HIF3A: variants seen among roughly 807,000 people sequenced by gnomAD.
HIF3A encodes hypoxia-inducible factor 3-alpha.
Under a neutral mutation model 67.2 loss-of-function variants are expected in HIF3A, and 41 were observed. The ratio of observed to expected loss-of-function variants is 0.61; its 90% CI spans 0.48 to 0.79. HIF3A has a LOEUF of 0.79. Among genes scored for constraint, HIF3A ranks in the 30% least tolerant of loss-of-function variants. HIF3A has a pLI of 0.00. For missense variants in HIF3A, 855 were observed against 898.0 expected, an observed-to-expected ratio of 0.95 and a Z score of 0.61; for synonymous variants, 356 against 374.8, an observed-to-expected ratio of 0.95 and a Z score of 0.58.
intron 13 of HIF3A, among the ~76,000 whole-genome samples, chr19:46,334,079 C>CA (rs1971441830): frequency 6.6e-6 from 1 of 151,148 alleles, no homozygotes; most frequent in Admixed American, 6.6e-5. Context: ...AGGCGTGAGC[C>CA]ACCGCGCCCG....
intron 13 of HIF3A, among the ~76,000 whole-genome samples, chr19:46,333,437 G>A (rs1038746362): frequency 2.0e-5 from 3 of 152,156 alleles, no homozygotes; most frequent in African/African-American, 7.2e-5. Context: ...GCTAATGAGG[G>A]CTGAAACCTT....
intron 1 of HIF3A, among the ~76,000 whole-genome samples, chr19:46,299,442 G>A (rs1030248417): frequency 4.6e-5 from 7 of 152,212 alleles, no homozygotes; most frequent in East Asian, 3.9e-4. Flanking sequence ...CGGGCAGGCC[G>A]GGTGCGGTGG....
rs184404828 is a variant in HIF3A, at chr19:46,300,497, C to A, written c.26+3395C>A. The stretch of plus-strand genomic sequence containing the variant: ...CCAACATAGTGAAACCCTGTCTCTA[C>A]TAAAAATACAAAAATTACCCAGGCA... On this transcript the variant is annotated intron_variant, in intron 1 of 14. Coordinates refer to ENST00000377670, the MANE Select transcript of HIF3A (RefSeq NM_152795.4). Among the ~76,000 whole-genome samples, 22 of 152,256 alleles carry A rather than the reference C, an allele frequency of 1.4e-4. No individual in the cohort carries two copies. In the East Asian group the frequency reaches 2.5e-3, roughly 17 times the overall value.
Position 46,334,947 on chromosome 19 carries a change from G to A in HIF3A, c.1873G>A (p.Asp625Asn), listed in dbSNP as rs1971500090. The change falls in exon 14 of 15, where the codon GAC becomes AAC. Residue 625 changes from aspartate to asparagine, a missense_variant. Transcript: ENST00000377670. Reference sequence around the variant, plus strand: ...AGGACCAGCCCCAGGGAGCCTGCAGGACCCCAGCACCCCACTCCTGAACCT... The same window carrying A: ...AGGACCAGCCCCAGGGAGCCTGCAGAACCCCAGCACCCCACTCCTGAACCT... Reference protein sequence around the residue: ...TGGPAPGSLQDPSTPLLNLNE... With the variant: ...TGGPAPGSLQNPSTPLLNLNE... 2.5e-6 allele frequency: 4 copies of A among 1,609,358 alleles called. No individual in the cohort carries two copies. In the South Asian group the frequency reaches 3.3e-5, roughly 13 times the overall value.
At chr19:46,317,169 C>A (rs80352617) in intron 8 of HIF3A, among the ~76,000 whole-genome samples, 2,039 of 152,170 alleles carry the variant, frequency 0.013, 48 homozygotes, top group African/African-American at 0.046. Flanking sequence ...GACCCACCCG[C>A]CTCGGCTTCC....
chr19:46,304,417 A>T (rs773709949), intron 2 of HIF3A, among the ~76,000 whole-genome samples: 1 of 152,114 alleles, frequency 6.6e-6, no homozygotes, highest in Non-Finnish European at 1.5e-5. Flanking sequence ...TTGGTCCTCT[A>T]GGAGACTCTC....
chr19:46,308,910 G>T, intron 5 of HIF3A, 135 bp downstream of exon 5: 2 of 680,136 alleles, frequency 2.9e-6, no homozygotes. Context: ...CAGGTCTAGC[G>T]GGTCTCAGGG....
intron 14 of HIF3A, chr19:46,338,639 T>A: frequency 1.9e-6 from 1 of 537,386 alleles, no homozygotes; most frequent in Non-Finnish European, 2.5e-6. Context: ...ATGGATTTAC[T>A]CATTTATTCC....
Position 46,312,166 on chromosome 19 carries a change from C to T in HIF3A, c.776C>T (p.Ala259Val), listed in dbSNP as rs1969488116. Residue 259 changes from alanine to valine, a missense_variant, in exon 7 of 15, where the codon GCA (alanine) becomes GTA (valine). Physicochemically the swap from Ala to Val is moderately conservative, Grantham distance 64. Around this residue, in one of 3 missense-constraint regions of HIF3A, gnomAD observed 638 missense variants for 660.5 expected, o/e 0.97. Coordinates refer to ENST00000377670, the MANE Select transcript of HIF3A (RefSeq NM_152795.4). ...MKFTYCDDRI[A>V]EVAGYSPDDL... Reference sequence around the variant, plus strand: ...CCACTCCGCCCCACCCCCAGGATTGCAGAAGTGGCTGGCTATAGTCCCGAT... The same window carrying T: ...CCACTCCGCCCCACCCCCAGGATTGTAGAAGTGGCTGGCTATAGTCCCGAT... The T allele has an allele frequency of 6.2e-7, 1 of 1,613,944 alleles. No individual in the cohort carries two copies. The highest frequency in any genetic ancestry group is 8.5e-7 in the Non-Finnish European group (1 of 1,179,862).
intron 13 of HIF3A, among the ~76,000 whole-genome samples, chr19:46,332,371 A>C (rs78322256): frequency 6.9e-6 from 1 of 143,914 alleles, no homozygotes; most frequent in Non-Finnish European, 1.5e-5. Context: ...CTGTCTGTAC[A>C]AAAAAAAAAA....
intron 5 of HIF3A, 91 bp from the exon 6 acceptor site, chr19:46,309,060 C>T: frequency 9.2e-7 from 1 of 1,089,552 alleles, no homozygotes; most frequent in South Asian, 1.6e-5. Context: ...ATCTCAGCTC[C>T]CTGATGGGCC....
At chr19:46,327,519 G>A (rs996319134) in intron 11 of HIF3A, among the ~76,000 whole-genome samples, 1 of 151,986 alleles carries the variant, frequency 6.6e-6, no homozygotes, top group Non-Finnish European at 1.5e-5. Flanking sequence ...GTTTCACCAG[G>A]CTGGCTCAGA....
In HIF3A at chr19:46,308,659, C is replaced by T; in HGVS notation, c.449-4C>T. On this transcript the variant is annotated splice_polypyrimidine_tract_variant and splice_region_variant and intron_variant, in intron 4 of 14. Coordinates refer to ENST00000377670, the MANE Select transcript of HIF3A (RefSeq NM_152795.4). Reference sequence around the variant, plus strand: ...ACCTCCCCGCTGCCCCCGGGCCTCCCCAGCCCTGTCCAGGAGGAAGGTGGA... The same window carrying T: ...ACCTCCCCGCTGCCCCCGGGCCTCCTCAGCCCTGTCCAGGAGGAAGGTGGA... 2.5e-6 allele frequency: 4 copies of T among 1,589,468 alleles called. No homozygotes were observed. The highest frequency in any genetic ancestry group is 3.4e-6 in the Non-Finnish European group (4 of 1,166,058).
At chr19:46,301,719 G>A (rs898093952) in intron 1 of HIF3A, among the ~76,000 whole-genome samples, 1 of 151,812 alleles carries the variant, frequency 6.6e-6, no homozygotes, top group Non-Finnish European at 1.5e-5. Flanking sequence ...CCAGCTACTC[G>A]GGAGGCTGAG....
At chr19:46,338,503 G>A (rs1383326004) in intron 14 of HIF3A, 3 of 1,142,012 alleles carry the variant, frequency 2.6e-6, no homozygotes, top group African/African-American at 1.7e-5. Context: ...ACGCCCGACA[G>A]TAAATATGTT....
intron 3 of HIF3A, among the ~76,000 whole-genome samples, chr19:46,307,729 C>T (rs1429081074): frequency 6.7e-6 from 1 of 149,614 alleles, no homozygotes. Context: ...GCCTGGGCAA[C>T]AGAGCGAGAC....
rs780058400 is a variant in HIF3A at position 46,312,228 on chromosome 19, G to A, written c.838G>A (p.Ala280Thr). Reference protein sequence around the residue: ...IGCSAYEYIHALDSDAVSKSI... With the variant: ...IGCSAYEYIHTLDSDAVSKSI... ...CTGTTCCGCCTACGAGTACATCCACGCGCTGGACTCCGATGCGGTCAGCAA... is the reference window on the plus strand; with the variant it reads ...CTGTTCCGCCTACGAGTACATCCACACGCTGGACTCCGATGCGGTCAGCAA... The change falls in exon 7 of 15, where the codon GCG becomes ACG. Residue 280 changes from alanine to threonine, a missense_variant. Coordinates refer to ENST00000377670, the MANE Select transcript of HIF3A (RefSeq NM_152795.4). 33 of 1,613,652 alleles carry A rather than the reference G, an allele frequency of 2.0e-5. No individual in the cohort carries two copies. The highest frequency in any genetic ancestry group is 5.5e-5 in the South Asian group (5 of 91,076).
At chr19:46,298,638 G>A in intron 1 of HIF3A, 1 of 628,632 alleles carries the variant, frequency 1.6e-6, no homozygotes, top group Non-Finnish European at 2.3e-6. Context: ...AGCCCAGAGT[G>A]CCCAGTGAGG....
rs920120495 is a variant in HIF3A, at chr19:46,339,710, C to T, written c.*88C>T. The T allele has an allele frequency of 6.6e-5, 63 of 960,818 alleles. 1 individual carries two copies. The Admixed American group carries it at 1.0e-3, about 15-fold the overall frequency. 59.5% of individuals were successfully genotyped at this position (960,818 alleles called of 1,614,324 possible). ...CGGCAGCCAACGCACAGGATGGGGG[C>T]GCCAGGAGAGGGGCCCCTCTCTCCT... is the stretch of plus-strand genomic sequence containing the variant. On this transcript the variant is annotated 3_prime_UTR_variant, in exon 15 of 15. Transcript: ENST00000377670.
Sources: allele counts gnomAD v4.1 joint callset (sites outside exome capture counted in the v4.1 genomes callset), GRCh38; gene constraint gnomAD v4.1.1; regional missense constraint gnomAD v4.1.1; transcripts MANE v1.5; gene names NCBI Gene and HGNC (gene_info 2026-07-23, HGNC 2026-07-21).